CLASP1: variants seen among roughly 807,000 people sequenced by gnomAD.
CLASP1 encodes the protein CLIP-associating protein 1.
CLASP1 carries 38 observed loss-of-function variants against 192.3 expected under a neutral mutation model. The ratio of observed to expected loss-of-function variants is 0.20; its 90% CI spans 0.15 to 0.26. The LOEUF is 0.26. Among genes scored for constraint, CLASP1 ranks in the 10% least tolerant of loss-of-function variants. CLASP1 has a pLI of 1.00. For synonymous variants in CLASP1, 691 were observed against 712.8 expected (o/e 0.97, Z 0.49); for missense variants, 1,433 against 1,932.5 (o/e 0.74, Z 4.85).
At chr2:121,344,002 C>A (rs1388463040) in intron 39 of CLASP1, among the ~76,000 whole-genome samples, 1 of 151,842 alleles carries the variant, frequency 6.6e-6, no homozygotes, top group Non-Finnish European at 1.5e-5. Flanking sequence ...ACCTGGTAGG[C>A]GGAGGTTGCA....
intron 8 of CLASP1, chr2:121,470,788 T>C (rs1294111564): frequency 3.1e-6 from 1 of 318,954 alleles, no homozygotes; most frequent in East Asian, 9.0e-5. Context: ...ACATTTCTCC[T>C]AGAAGTTCAA....
chr2:121,446,695 AT>A (rs1226358242), intron 19 of CLASP1, among the ~76,000 whole-genome samples: 3 of 152,226 alleles, frequency 2.0e-5, no homozygotes, highest in African/African-American at 7.2e-5. Context: ...ATCTATCACT[AT>A]GTCAGATGCT....
intron 24 of CLASP1, 107 bp from the exon 26 acceptor site, chr2:121,407,822 GAC>G: frequency 8.0e-7 from 1 of 1,255,034 alleles, no homozygotes; most frequent in African/African-American, 1.5e-5. Flanking sequence ...AGTGTAAAAA[GAC>G]ACATGCACAC....
intron 9 of CLASP1, among the ~76,000 whole-genome samples, chr2:121,463,313 ATTAGTCTGATTGCTTTTCTAAGACCTTC>A (rs2088532318): frequency 6.6e-6 from 1 of 152,162 alleles, no homozygotes; most frequent in Non-Finnish European, 1.5e-5. Flanking sequence ...ATTTACATGG[ATTAGTCTGATTGCTTTTCTAAGACCTTC>A]TTACCACTCA....
intron 1 of CLASP1, among the ~76,000 whole-genome samples, chr2:121,640,644 A>C (rs532288746): frequency 4.0e-4 from 61 of 152,122 alleles, no homozygotes; most frequent in African/African-American, 1.4e-3. Context: ...TCCCCAAGGC[A>C]GCCCACTGAC....
At chr2:121,607,632 T>C (rs1464484082) in intron 1 of CLASP1, among the ~76,000 whole-genome samples, 2 of 152,196 alleles carry the variant, frequency 1.3e-5, no homozygotes, top group Non-Finnish European at 2.9e-5. Context: ...AGAAGACCCA[T>C]AGGAAACCTA....
chr2:121,375,696 TACA>T (rs1217570476), intron 34 of CLASP1, among the ~76,000 whole-genome samples: 3 of 152,144 alleles, frequency 2.0e-5, no homozygotes, highest in Admixed American at 1.3e-4. Flanking sequence ...AACTGACTAA[TACA>T]ACATCCTCCC....
At chr2:121,605,669 C>T in intron 2 of CLASP1, 32 bp downstream of exon 2, 3 of 1,584,036 alleles carry the variant, frequency 1.9e-6, no homozygotes, top group Non-Finnish European at 2.6e-6. Flanking sequence ...AGCCCAGCCA[C>T]CTCCAAAAGT....
chr2:121,639,072 T>C (rs961219091), intron 1 of CLASP1, among the ~76,000 whole-genome samples: 1 of 151,986 alleles, frequency 6.6e-6, no homozygotes, highest in Non-Finnish European at 1.5e-5. Context: ...GTCAGAAGAT[T>C]GAGACCATCC....
chr2:121,569,574 C>T (rs921679748), intron 2 of CLASP1, among the ~76,000 whole-genome samples: 26 of 151,960 alleles, frequency 1.7e-4, no homozygotes, highest in Non-Finnish European at 7.3e-5. Flanking sequence ...TTCTTACGGC[C>T]GGACGTGGTG....
intron 7 of CLASP1, among the ~76,000 whole-genome samples, chr2:121,504,773 A>G (rs962007198): frequency 6.6e-6 from 1 of 152,180 alleles, no homozygotes; most frequent in Non-Finnish European, 1.5e-5. Flanking sequence ...GGAGACACCA[A>G]CAATCTTTTC....
exon 22 of CLASP1, chr2:121,425,291 C>T (rs1299784736): frequency 1.2e-6 from 2 of 1,611,930 alleles, no homozygotes; most frequent in East Asian, 2.2e-5. Flanking sequence ...TCCTGGGGAA[C>T]TTGACCGGCT....
rs1189925994 is a variant in CLASP1, at chr2:121,646,061, G to A, written c.-286+3311C>T. ...CTTACAAACCAAAAACTGTATCAGC[G>A]ATGATTTCTACTTCGCTTAGTTTTT... is the stretch of plus-strand genomic sequence containing the variant. On this transcript the variant is annotated intron_variant, in intron 1 of 39. Coordinates refer to ENST00000263710, the Ensembl canonical transcript of CLASP1. Among the ~76,000 whole-genome samples, 5 of 152,302 alleles carry A rather than the reference G, an allele frequency of 3.3e-5. No individual in the cohort carries two copies. The South Asian group carries it at 8.3e-4, about 25-fold the overall frequency.
chr2:121,558,896 A>G (rs372023434), intron 2 of CLASP1, among the ~76,000 whole-genome samples: 12 of 152,326 alleles, frequency 7.9e-5, no homozygotes, highest in Non-Finnish European at 1.0e-4. Flanking sequence ...AGAATGTTTC[A>G]TAAGAATGAC....
chr2:121,555,708 T>C (rs893999811), intron 2 of CLASP1, among the ~76,000 whole-genome samples: 4 of 152,214 alleles, frequency 2.6e-5, no homozygotes, highest in Non-Finnish European at 5.9e-5. Context: ...TTTCCTTTTT[T>C]AAGACAGAGT....
At chr2:121,615,791 AT>A (rs1428162666) in intron 1 of CLASP1, among the ~76,000 whole-genome samples, 4 of 152,322 alleles carry the variant, frequency 2.6e-5, no homozygotes, top group Admixed American at 2.0e-4. Context: ...CTCAAAAAAA[AT>A]AAATAAAATA....
chr2:121,443,677 C>T (rs151236923), intron 19 of CLASP1, among the ~76,000 whole-genome samples: 1 of 152,270 alleles, frequency 6.6e-6, no homozygotes, highest in East Asian at 1.9e-4. Context: ...CTAAGAACCA[C>T]CAGTGAGGCT....
chr2:121,525,810 A>G (rs2094561523), intron 6 of CLASP1, 35 bp downstream of exon 6: 2 of 1,494,558 alleles, frequency 1.3e-6, no homozygotes, highest in Non-Finnish European at 1.9e-6. Context: ...GTCTGTAAGC[A>G]ATGACTTCTC....
At position 121,432,945 on chromosome 2, in the gene CLASP1, C is replaced by G. The variant is rs934265651; in HGVS notation, c.1913-2768G>C. Among the ~76,000 whole-genome samples the G allele has an allele frequency of 3.3e-5, 5 of 152,242 alleles. No homozygotes were observed. The South Asian group carries it at 6.2e-4, about 19-fold the overall frequency. On this transcript the variant is annotated intron_variant, in intron 19 of 39. Coordinates refer to ENST00000263710, the Ensembl canonical transcript of CLASP1. Reference sequence around the variant, plus strand: ...CATGTAATATAATGCAAAATAGAAGCAGTGAGGGTAAGCACTGTTGACTCA... The same window carrying G: ...CATGTAATATAATGCAAAATAGAAGGAGTGAGGGTAAGCACTGTTGACTCA...
Sources: allele counts gnomAD v4.1 joint callset (sites outside exome capture counted in the v4.1 genomes callset), GRCh38; gene constraint gnomAD v4.1.1; transcripts MANE v1.5; gene names NCBI Gene and HGNC (gene_info 2026-07-23, HGNC 2026-07-21).